ADAMTS8: variants seen among roughly 807,000 people sequenced by gnomAD.
ADAMTS8 encodes ADAM metallopeptidase with thrombospondin type 1 motif 8.
Under a neutral mutation model 64.4 loss-of-function variants are expected in ADAMTS8, and 50 were observed. The observed-to-expected ratio is 0.78, with a 90% confidence interval of 0.62 to 0.98. The LOEUF (loss-of-function observed/expected upper bound fraction) is 0.98, where lower values mean the gene tolerates loss of function less well. Ranked by LOEUF, ADAMTS8 falls within the 50% of genes least tolerant of loss-of-function variation. The probability of loss-of-function intolerance (pLI) is 0.00; values close to 1 mark genes in which losing one functional copy is unlikely to be tolerated. For synonymous variants in ADAMTS8, 556 were observed against 533.6 expected (o/e 1.04, Z -0.58); for missense variants, 1,192 against 1,208.2 (o/e 0.99, Z 0.20).
At chr11:130,412,381 T>G (rs1390703926) in intron 5 of ADAMTS8, among the ~76,000 whole-genome samples, 2 of 152,026 alleles carry the variant, frequency 1.3e-5, no homozygotes, top group Non-Finnish European at 2.9e-5. Flanking sequence ...GCCTGGCTAA[T>G]TTTTGTATTT....
At chr11:130,424,488 T>A (rs949414921) in intron 1 of ADAMTS8, among the ~76,000 whole-genome samples, 2 of 152,144 alleles carry the variant, frequency 1.3e-5, no homozygotes, top group African/African-American at 4.8e-5. Flanking sequence ...AGTCCAGGTG[T>A]CCTGCTTCAC....
rs559840761 is a variant in ADAMTS8 at position 130,424,731 on chromosome 11, G to A, written c.720+2836C>T. Among the ~76,000 whole-genome samples the A allele has an allele frequency of 2.0e-5, 3 of 152,288 alleles. No individual in the cohort carries two copies. In the South Asian group the frequency reaches 6.2e-4, roughly 32 times the overall value. ...TCATGGATCTGTTTTCGGAAGCGCA[G>A]GGGACTGAGCTGAGACAGTCACGCC... On this transcript the variant is annotated intron_variant, in intron 1 of 8. Coordinates refer to ENST00000257359, the MANE Select transcript of ADAMTS8 (RefSeq NM_007037.6).
chr11:130,423,304 A>T (rs1862123427), intron 1 of ADAMTS8, among the ~76,000 whole-genome samples: 1 of 152,220 alleles, frequency 6.6e-6, no homozygotes, highest in African/African-American at 2.4e-5. Flanking sequence ...TGCAGCAGAC[A>T]TAAGGGATGG....
rs1861911182 is a variant in ADAMTS8 at position 130,408,482 on chromosome 11, C to T, written c.2081G>A (p.Gly694Glu). 6.2e-7 allele frequency: 1 copy of T among 1,613,604 alleles called. No individual in the cohort carries two copies. The highest frequency in any genetic ancestry group is 1.7e-5 in the Admixed American group (1 of 59,998). The change falls in exon 8 of 9, where the codon GGG (glycine) becomes GAG (glutamate). Residue 694 changes from glycine (G) to glutamate (E), a missense_variant. By Grantham distance (98) the Gly-to-Glu change is moderately conservative. Around this residue, in one of 5 missense-constraint regions of ADAMTS8, gnomAD observed 290 missense variants for 297.8 expected, o/e 0.97. Coordinates refer to ENST00000257359, the MANE Select transcript of ADAMTS8 (RefSeq NM_007037.6). ...GKGNSCRKVS[G>E]SLTPTNYGYN... ...GACTCACTTGGTGGGGGTGAGGGACCCGGAGACCTTCCTGCAGGAGTTGCC... is the reference window on the plus strand; with the variant it reads ...GACTCACTTGGTGGGGGTGAGGGACTCGGAGACCTTCCTGCAGGAGTTGCC...
Position 130,404,946 on chromosome 11 carries a change from TCA to T in ADAMTS8, c.*610_*611del. On this transcript the variant is annotated 3_prime_UTR_variant, in exon 9 of 9. Transcript: ENST00000257359. Reference sequence around the variant, plus strand: ...CATTGGCATAAGATCACACTTTAGTTCAGAGACACATTTGCATAAATACTTGA... The same window carrying T: ...CATTGGCATAAGATCACACTTTAGTTGAGACACATTTGCATAAATACTTGA... 1 of 976,156 alleles carries T rather than the reference TCA, an allele frequency of 1.0e-6. No individual in the cohort carries two copies. The highest frequency in any genetic ancestry group is 4.7e-5 in the South Asian group (1 of 21,110). 60.5% of individuals were successfully genotyped at this position (976,156 alleles called of 1,614,324 possible).
intron 2 of ADAMTS8, 73 bp from the exon 3 acceptor site, chr11:130,417,148 G>T: frequency 1.9e-6 from 3 of 1,592,052 alleles, no homozygotes; most frequent in South Asian, 1.1e-5. Context: ...GCAGGGCCGG[G>T]TGTGGCCAGC....
In ADAMTS8 at chr11:130,419,254, G is replaced by A. The variant is rs1469892376; in HGVS notation, c.759C>T (p.Ile253=). ...ILTLMSVAAR[I]YKHPSIKNSI... ...AATTCTTGATGCTGGGGTGCTTGTA[G>A]ATTCGGGCTGCCACAGACATTAACG... Residue 253 remains isoleucine, a synonymous_variant, in exon 2 of 9, where the codon ATC becomes ATT. Coordinates refer to ENST00000257359, the MANE Select transcript of ADAMTS8 (RefSeq NM_007037.6). 8 of 1,614,022 alleles carry A rather than the reference G, an allele frequency of 5.0e-6. No individual in the cohort carries two copies. Among genetic ancestry groups the A allele is most frequent in the Non-Finnish European group, 6.8e-6 (8 of 1,180,048 alleles).
Position 130,428,546 on chromosome 11 carries a change from C to T in ADAMTS8, c.-260G>A. 2 of 691,706 alleles carry T rather than the reference C, an allele frequency of 2.9e-6. No homozygotes were observed. The highest frequency in any genetic ancestry group is 3.6e-6 in the Non-Finnish European group (2 of 562,160). The allele number at this position is 691,706 out of a possible 1,614,324, so 42.8% of individuals were successfully genotyped here. A position where few individuals can be genotyped will look rare whatever the true frequency, so the allele number is the denominator to read the frequency against. Reference sequence around the variant, plus strand: ...GCCCCGGCCCGCGTGCGCCCGTCCTCCGCCCCTGCCCGCGCCAGCCCCGCG... The same window carrying T: ...GCCCCGGCCCGCGTGCGCCCGTCCTTCGCCCCTGCCCGCGCCAGCCCCGCG... On this transcript the variant is annotated 5_prime_UTR_variant, in exon 1 of 9. Coordinates refer to ENST00000257359, the MANE Select transcript of ADAMTS8 (RefSeq NM_007037.6).
Position 130,405,526 on chromosome 11 carries a change from A to G in ADAMTS8, c.*32T>C, listed in dbSNP as rs200628700. ...GTCTGCACCTCAGTACCGCATGTCCAGGAGCACAAGACTGGCCCCTGCCCC... is the reference window on the plus strand; with the variant it reads ...GTCTGCACCTCAGTACCGCATGTCCGGGAGCACAAGACTGGCCCCTGCCCC... On this transcript the variant is annotated 3_prime_UTR_variant, in exon 9 of 9. Coordinates refer to ENST00000257359, the MANE Select transcript of ADAMTS8 (RefSeq NM_007037.6). 1 of 1,560,140 alleles carries G rather than the reference A, an allele frequency of 6.4e-7. No individual in the cohort carries two copies. Among genetic ancestry groups the G allele is most frequent in the East Asian group, 2.3e-5 (1 of 44,324 alleles).
rs150928924 is a variant in ADAMTS8 at position 130,424,438 on chromosome 11, G to T, written c.720+3129C>A. Among the ~76,000 whole-genome samples, 861 of 152,308 alleles carry T rather than the reference G, an allele frequency of 5.7e-3. 8 individuals carry two copies. The highest frequency in any genetic ancestry group is 0.019 in the African/African-American group (810 of 41,566). On this transcript the variant is annotated intron_variant, in intron 1 of 8. Transcript: ENST00000257359. ...ACCTTCCAGAAGACTGGCTCATCAT[G>T]AAGCAGCCACACAGGTGCTCAGACC...
intron 5 of ADAMTS8, 72 bp downstream of exon 5, chr11:130,414,459 A>G (rs759256696): frequency 1.3e-6 from 2 of 1,491,622 alleles, no homozygotes; most frequent in East Asian, 2.3e-5. Flanking sequence ...TCTGGAGAAC[A>G]GCCCTCAGTC....
rs1862001027 is a variant in ADAMTS8 at position 130,414,829 on chromosome 11, TCTC to T, written c.1265_1267del (p.Gly422del). ...CGCAGCAGGGGCATCCAGGAGACAG[TCTC>T]CTGGGAAAAGAGGAAGCAGGGGTGT... is the stretch of plus-strand genomic sequence containing the variant. On this transcript the variant is annotated inframe_deletion and splice_region_variant, in exon 5 of 9. Transcript: ENST00000257359. 6.2e-7 allele frequency: 1 copy of T among 1,604,400 alleles called. No homozygotes were observed. The highest frequency in any genetic ancestry group is 1.3e-5 in the African/African-American group (1 of 74,786).
intron 4 of ADAMTS8, among the ~76,000 whole-genome samples, chr11:130,415,530 C>A (rs1031110713): frequency 2.6e-5 from 4 of 151,696 alleles, no homozygotes; most frequent in African/African-American, 7.3e-5. Flanking sequence ...GTCTCGAACT[C>A]CTGACCTTGT....
chr11:130,414,638 G>A lies in ADAMTS8; in HGVS notation c.1459C>T (p.His487Tyr). ...CAGGGCAGGCTGCCATTCTTCGTGTGGCACAGGGGCTCAGCCCCATCAGTG... is the reference window on the plus strand; with the variant it reads ...CAGGGCAGGCTGCCATTCTTCGTGTAGCACAGGGGCTCAGCCCCATCAGTG... Reference protein sequence around the residue: ...CHTDGAEPLCHTKNGSLPWAD... With the variant: ...CHTDGAEPLCYTKNGSLPWAD... Residue 487 changes from histidine (H) to tyrosine (Y), a missense_variant, in exon 5 of 9, where the codon CAC (histidine) becomes TAC (tyrosine). His to Tyr is a moderately conservative substitution (Grantham distance 83). Transcript: ENST00000257359. 2 of 1,613,724 alleles carry A rather than the reference G, an allele frequency of 1.2e-6. No individual in the cohort carries two copies. Among genetic ancestry groups the A allele is most frequent in the Non-Finnish European group, 1.7e-6 (2 of 1,180,036 alleles).
intron 1 of ADAMTS8, among the ~76,000 whole-genome samples, chr11:130,426,311 A>G (rs1415124878): frequency 2.0e-5 from 3 of 152,176 alleles, no homozygotes; most frequent in African/African-American, 7.2e-5. Context: ...TGGGGTGAGA[A>G]ACAGAAGGCT....
chr11:130,422,249 G>T (rs1862109405), intron 1 of ADAMTS8, among the ~76,000 whole-genome samples: 2 of 151,980 alleles, frequency 1.3e-5, no homozygotes, highest in African/African-American at 4.8e-5. Flanking sequence ...AACATAGTGA[G>T]ATCCTGTCTC....
Position 130,416,468 on chromosome 11 carries a change from CCTGCGCT to C in ADAMTS8, c.1097-145_1097-139del. ...CGAAGATTTCTGCGTAGGGCTTTCC[CCTGCGCT>C]TTGCTCTTCCAGGACGCGTTCTCAG... On this transcript the variant is annotated intron_variant, in intron 3 of 8. Transcript: ENST00000257359. The surrounding 1 kb of genome is among the most constrained non-coding windows in gnomAD (Gnocchi z 4.8). The C allele has an allele frequency of 5.0e-6, 5 of 995,206 alleles. No homozygotes were observed. In the South Asian group the frequency reaches 9.2e-5, roughly 18 times the overall value. The allele number at this position is 995,206 out of a possible 1,614,324, so 61.6% of individuals were successfully genotyped here. A position where few individuals can be genotyped will look rare whatever the true frequency, so the allele number is the denominator to read the frequency against.
intron 8 of ADAMTS8, 25 bp from the exon 9 acceptor site, chr11:130,406,153 C>T: frequency 6.3e-7 from 1 of 1,584,534 alleles, no homozygotes; most frequent in Non-Finnish European, 8.6e-7. Flanking sequence ...GAAGGACACC[C>T]TTAGACCAGT....
Position 130,414,562 on chromosome 11 carries a change from C to T in ADAMTS8, c.1535G>A (p.Cys512Tyr). The stretch of plus-strand genomic sequence containing the variant: ...CCTCTCCACTTCCTCCTCAGGTAGA[C>T]AGCTGCCTTCTGAGCAGAGGTGCCC... ...GPGHLCSEGS[C>Y]LPEEEVERPK... is the part of the protein sequence containing the mutation. The change falls in exon 5 of 9, where the codon TGT becomes TAT. Residue 512 changes from cysteine to tyrosine, a missense_variant. Cys to Tyr is a radical substitution (Grantham distance 194). Coordinates refer to ENST00000257359, the MANE Select transcript of ADAMTS8 (RefSeq NM_007037.6). 3 of 1,607,830 alleles carry T rather than the reference C, an allele frequency of 1.9e-6. No individual in the cohort carries two copies. Among genetic ancestry groups the T allele is most frequent in the Non-Finnish European group, 2.6e-6 (3 of 1,175,906 alleles).
Sources: allele counts gnomAD v4.1 joint callset (sites outside exome capture counted in the v4.1 genomes callset), GRCh38; gene constraint gnomAD v4.1.1; regional missense constraint gnomAD v4.1.1; non-coding constraint Gnocchi (gnomAD v3.1); transcripts MANE v1.5; gene names NCBI Gene and HGNC (gene_info 2026-07-23, HGNC 2026-07-21).